Variants in C2CD2 observed in about 807,000 individuals in gnomAD.
C2CD2 encodes the protein C2 calcium dependent domain containing 2.
Under a neutral mutation model 74.3 loss-of-function variants are expected in C2CD2, and 43 were observed. The observed-to-expected ratio is 0.58, with a 90% CI of 0.45 to 0.75. The LOEUF is 0.75. Among genes scored for constraint, C2CD2 ranks in the 30% least tolerant of loss-of-function variants. The pLI is 0.00. For synonymous variants in C2CD2, 422 were observed against 390.7 expected, an observed-to-expected ratio of 1.08 and a Z score of -0.94; for missense variants, 801 against 916.3, an observed-to-expected ratio of 0.87 and a Z score of 1.63.
intron 2 of C2CD2, among the ~76,000 whole-genome samples, chr21:41,925,157 C>T (rs2065196401): frequency 6.6e-6 from 1 of 152,108 alleles, no homozygotes; most frequent in Non-Finnish European, 1.5e-5. Context: ...CCTTTCTTAG[C>T]CTCCCCTCAG....
intron 2 of C2CD2, among the ~76,000 whole-genome samples, chr21:41,940,988 GATAATA>G (rs113364514): frequency 1.8e-4 from 27 of 150,980 alleles, no homozygotes; most frequent in Non-Finnish European, 3.7e-4. Context: ...AATATATAAT[GATAATA>G]ATAATAATAA....
rs540337657 is a variant in C2CD2 at position 41,892,592 on chromosome 21, G to A, written c.1871-3248C>T. On this transcript the variant is annotated intron_variant, in intron 13 of 13. Coordinates refer to ENST00000380486, the MANE Select transcript of C2CD2 (RefSeq NM_015500.2). This position sits in a 1 kb window ranked among gnomAD's most constrained non-coding sequence, Gnocchi z 4.6. The stretch of plus-strand genomic sequence containing the variant: ...AGCCCTCCAAACAACAGGCCTCTAA[G>A]GACAACAGGCGTGCAGGCCCTTCCT... 6.6e-6 allele frequency among the ~76,000 whole-genome samples: 1 copy of A among 152,326 alleles called. No homozygotes were observed. The highest frequency in any genetic ancestry group is 2.1e-4 in the South Asian group (1 of 4,814).
chr21:41,909,612 G>A, intron 7 of C2CD2, 89 bp from the exon 8 acceptor site: 1 of 922,800 alleles, frequency 1.1e-6, no homozygotes, highest in South Asian at 1.3e-5. Context: ...TTATAGAAAG[G>A]AAGACAAAGA....
chr21:41,914,447 AT>A, intron 6 of C2CD2, 150 bp downstream of exon 6: 1 of 578,754 alleles, frequency 1.7e-6, no homozygotes. Flanking sequence ...TTCCCGTTAC[AT>A]TTTCAGGTGC....
chr21:41,902,293 C>T (rs1195511878), intron 11 of C2CD2, among the ~76,000 whole-genome samples: 1 of 152,166 alleles, frequency 6.6e-6, no homozygotes, highest in Non-Finnish European at 1.5e-5. Context: ...AGAATAGTAA[C>T]TAGAGCTATG....
In C2CD2 at chr21:41,923,928, G is replaced by A. The variant is rs1163091326; in HGVS notation, c.379-1843C>T. Reference sequence around the variant, plus strand: ...GAGGAGAGGGGAGGCCAGGGGCACAGTGGGCTGGACCACAGGGCAGGCACA... The same window carrying A: ...GAGGAGAGGGGAGGCCAGGGGCACAATGGGCTGGACCACAGGGCAGGCACA... On this transcript the variant is annotated intron_variant, in intron 2 of 13. Transcript: ENST00000380486. The surrounding 1 kb of genome is among the most constrained non-coding windows in gnomAD (Gnocchi z 5.8). Among the ~76,000 whole-genome samples, 2 of 152,170 alleles carry A rather than the reference G, an allele frequency of 1.3e-5. No homozygotes were observed. The highest frequency in any genetic ancestry group is 3.9e-4 in the East Asian group (2 of 5,194).
rs776026516 is a variant in C2CD2, at chr21:41,907,056, A to G, written c.1254T>C (p.Thr418=). The change falls in exon 10 of 14, where the codon ACT becomes ACC. Residue 418 remains threonine (T), a synonymous_variant. Transcript: ENST00000380486. ...RTVMPCGTVV[T]TVTAVKTKPR... The stretch of plus-strand genomic sequence containing the variant: ...GCTTGGTCTTCACAGCAGTGACAGT[A>G]GTGACCACAGTCCCACAGGGCATCA... 3 of 1,614,022 alleles carry G rather than the reference A, an allele frequency of 1.9e-6. No individual in the cohort carries two copies. The highest frequency in any genetic ancestry group is 3.3e-4 in the Middle Eastern group (2 of 6,056).
chr21:41,946,601 A>G (rs1464044938), intron 1 of C2CD2, among the ~76,000 whole-genome samples: 2 of 152,200 alleles, frequency 1.3e-5, no homozygotes, highest in Admixed American at 1.3e-4. Flanking sequence ...CAGAACCATC[A>G]GCCAATTAAA....
Position 41,918,153 on chromosome 21 carries a change from A to G in C2CD2, c.672T>C (p.Ser224=), listed in dbSNP as rs766699031. The G allele has an allele frequency of 1.2e-6, 2 of 1,614,122 alleles. No homozygotes were observed. Among genetic ancestry groups the G allele is most frequent in the South Asian group, 2.2e-5 (2 of 91,076 alleles). Residue 224 remains serine, a synonymous_variant, in exon 5 of 14, where the codon TCT becomes TCC. Transcript: ENST00000380486. ...DILKHLAGSA[S]PSVVLITKPT... is the part of the protein sequence containing the mutation. ...GCTTGGTAATCAGAACCACTGATGG[A>G]GAGGCAGAACCAGCCAAATGCTTCA...
rs76185791 is a variant in C2CD2 at position 41,901,768 on chromosome 21, T to C, written c.1433-19A>G. 5.6e-4 allele frequency: 908 copies of C among 1,612,166 alleles called. 11 individuals carry two copies. The East Asian group carries it at 0.02, about 35-fold the overall frequency. On this transcript the variant is annotated intron_variant, in intron 11 of 13. Transcript: ENST00000380486. The stretch of plus-strand genomic sequence containing the variant: ...AACAATTCTACCAGAAGGAAGGCAG[T>C]GTTAAGTTCATCAGCAAAAATTAAA...
rs1037691284 is a variant in C2CD2 at position 41,903,930 on chromosome 21, G to A, written c.1432+1794C>T. ...CTGAGGAAGGGGCATCAGGGGCAGC[G>A]GCAAAAGCATCAGCGGCATTAGTAC... On this transcript the variant is annotated intron_variant, in intron 11 of 13. Coordinates refer to ENST00000380486, the MANE Select transcript of C2CD2 (RefSeq NM_015500.2). The surrounding 1 kb of genome is among the most constrained non-coding windows in gnomAD (Gnocchi z 4.5). 2.6e-5 allele frequency among the ~76,000 whole-genome samples: 4 copies of A among 152,262 alleles called. No individual in the cohort carries two copies. Among genetic ancestry groups the A allele is most frequent in the East Asian group, 1.9e-4 (1 of 5,172 alleles).
At chr21:41,927,896 C>T (rs1418691929) in intron 2 of C2CD2, among the ~76,000 whole-genome samples, 2 of 152,184 alleles carry the variant, frequency 1.3e-5, no homozygotes, top group Non-Finnish European at 2.9e-5. Context: ...CGTGGGGCTC[C>T]TGCGTCAACC....
At chr21:41,921,418 G>A (rs959879058) in intron 3 of C2CD2, among the ~76,000 whole-genome samples, 7 of 152,140 alleles carry the variant, frequency 4.6e-5, no homozygotes, top group Admixed American at 1.3e-4. Flanking sequence ...TTAGAGATCC[G>A]TAAGTCTCTC....
In C2CD2 at chr21:41,891,046, G is replaced by A. The variant is rs561841955; in HGVS notation, c.1871-1702C>T. On this transcript the variant is annotated intron_variant, in intron 13 of 13. Coordinates refer to ENST00000380486, the MANE Select transcript of C2CD2 (RefSeq NM_015500.2). ...ACACAACCAAATCACTTTTTATGAC[G>A]TGTCATTTGGACATTTTTTACAGTG... Among the ~76,000 whole-genome samples the A allele has an allele frequency of 2.0e-5, 3 of 152,254 alleles. No individual in the cohort carries two copies. The South Asian group carries it at 6.2e-4, about 32-fold the overall frequency.
intron 13 of C2CD2, among the ~76,000 whole-genome samples, chr21:41,889,976 G>A (rs561701366): frequency 5.5e-4 from 84 of 152,216 alleles, no homozygotes; most frequent in African/African-American, 1.9e-3. Flanking sequence ...ACCAAATGGA[G>A]GCAGACAGCT....
chr21:41,925,495 G>A (rs2065201367), intron 2 of C2CD2, among the ~76,000 whole-genome samples: 1 of 152,112 alleles, frequency 6.6e-6, no homozygotes, highest in Admixed American at 6.5e-5. Flanking sequence ...ATTTTTACAT[G>A]GCCAAACAAA....
intron 13 of C2CD2, among the ~76,000 whole-genome samples, chr21:41,894,143 T>C (rs1569053803): frequency 1.3e-5 from 2 of 152,180 alleles, no homozygotes; most frequent in African/African-American, 4.8e-5. Context: ...TCTAGGGGGA[T>C]GGCATCAACT....
Position 41,953,650 on chromosome 21 carries a change from G to A in C2CD2, c.-2C>T. ...CGAGCCCAGCCGGGCCATGGCCATG[G>A]CGCATCCCCGGCCCGCCTCGCCCCA... On this transcript the variant is annotated 5_prime_UTR_variant, in exon 1 of 14. Coordinates refer to ENST00000380486, the MANE Select transcript of C2CD2 (RefSeq NM_015500.2). 1 of 1,438,914 alleles carries A rather than the reference G, an allele frequency of 6.9e-7. No individual in the cohort carries two copies. Among genetic ancestry groups the A allele is most frequent in the South Asian group, 1.4e-5 (1 of 72,280 alleles). 89.1% of individuals were successfully genotyped at this position (1,438,914 alleles called of 1,614,324 possible).
intron 2 of C2CD2, among the ~76,000 whole-genome samples, chr21:41,928,544 C>CAAAAAAAAAAAAAAAA (rs59346777): frequency 9.7e-5 from 7 of 72,262 alleles, no homozygotes; most frequent in African/African-American, 2.7e-4. Flanking sequence ...TAAAGCAAAG[C>CAAAAAAAAAAAAAAAA]AAAAAAAAAA....
Sources: allele counts gnomAD v4.1 joint callset (sites outside exome capture counted in the v4.1 genomes callset), GRCh38; gene constraint gnomAD v4.1.1; non-coding constraint Gnocchi (gnomAD v3.1); transcripts MANE v1.5; gene names NCBI Gene and HGNC (gene_info 2026-07-23, HGNC 2026-07-21).